CCSER1: variants seen among roughly 807,000 people sequenced by gnomAD.
CCSER1 encodes the protein coiled-coil serine rich protein 1, also known as serine-rich coiled-coil domain-containing protein 1.
In CCSER1, 41 loss-of-function variants were observed where a neutral mutation model predicts 82.0. That is an observed-to-expected ratio of 0.50 (90% CI 0.39 to 0.65). The LOEUF (loss-of-function observed/expected upper bound fraction) is 0.65. Ranked by LOEUF, CCSER1 falls within the 30% of genes least tolerant of loss-of-function variation. The pLI is 0.00. For synonymous variants in CCSER1, 414 were observed against 383.9 expected, an observed-to-expected ratio of 1.08 and a Z score of -0.92; for missense variants, 1,119 against 1,064.2, an observed-to-expected ratio of 1.05 and a Z score of -0.72.
chr4:91,454,188 C>A (rs1446707123), intron 10 of CCSER1, among the ~76,000 whole-genome samples: 3 of 152,046 alleles, frequency 2.0e-5, no homozygotes, highest in Non-Finnish European at 4.4e-5. Flanking sequence ...CGTTTATTCT[C>A]TTACAGTTCT....
At chr4:91,155,071 A>G (rs1730675148) in intron 10 of CCSER1, among the ~76,000 whole-genome samples, 1 of 151,884 alleles carries the variant, frequency 6.6e-6, no homozygotes, top group South Asian at 2.1e-4. Context: ...GCTTAAAAGA[A>G]TATCCCATAA....
chr4:91,043,087 A>T (rs2150581538), intron 9 of CCSER1, among the ~76,000 whole-genome samples: 1 of 152,300 alleles, frequency 6.6e-6, no homozygotes, highest in African/African-American at 2.4e-5. Flanking sequence ...ACATGAAAAC[A>T]AAAGCCCAAA....
intron 7 of CCSER1, among the ~76,000 whole-genome samples, chr4:90,754,961 G>C (rs1384236934): frequency 6.6e-6 from 1 of 152,066 alleles, no homozygotes; most frequent in Non-Finnish European, 1.5e-5. Context: ...CTGAATTAAA[G>C]ACCCCATTAT....
chr4:90,221,502 A>G (rs945675649), intron 1 of CCSER1, among the ~76,000 whole-genome samples: 2 of 152,146 alleles, frequency 1.3e-5, no homozygotes, highest in African/African-American at 4.8e-5. Flanking sequence ...GTATTATAAC[A>G]CACAAGCAGG....
chr4:90,783,083 G>A (rs940261795), intron 7 of CCSER1, among the ~76,000 whole-genome samples: 9 of 151,546 alleles, frequency 5.9e-5, no homozygotes, highest in African/African-American at 1.7e-4. Context: ...CTAGGATTAC[G>A]GGCATAGGCC....
At chr4:90,946,916 G>A (rs1196530747) in intron 9 of CCSER1, among the ~76,000 whole-genome samples, 1 of 152,116 alleles carries the variant, frequency 6.6e-6, no homozygotes, top group African/African-American at 2.4e-5. Context: ...TTTCTTGCTT[G>A]TGCTATGTAT....
intron 8 of CCSER1, among the ~76,000 whole-genome samples, chr4:90,918,642 T>G (rs13107047): frequency 6.7e-6 from 1 of 150,292 alleles, no homozygotes; most frequent in Non-Finnish European, 1.5e-5. Context: ...AAGAGAGATA[T>G]ATATATATAT....
intron 9 of CCSER1, among the ~76,000 whole-genome samples, chr4:91,071,223 C>T (rs1429309361): frequency 6.6e-6 from 1 of 152,010 alleles, no homozygotes; most frequent in Non-Finnish European, 1.5e-5. Context: ...AACAAAGATC[C>T]CTGTCTTTGA....
chr4:90,287,044 C>A (rs183840210), intron 1 of CCSER1, among the ~76,000 whole-genome samples: 29 of 151,878 alleles, frequency 1.9e-4, no homozygotes, highest in African/African-American at 7.0e-4. Context: ...CTAAATGGTA[C>A]CCTGGTGGTA....
intron 1 of CCSER1, among the ~76,000 whole-genome samples, chr4:90,157,725 C>T (rs1282230933): frequency 1.3e-5 from 2 of 148,910 alleles, no homozygotes; most frequent in Non-Finnish European, 3.0e-5. Context: ...TCAGCTCCAT[C>T]AGCTCCTTTA....
chr4:91,072,198 A>G (rs1721509915), intron 9 of CCSER1, among the ~76,000 whole-genome samples: 1 of 152,192 alleles, frequency 6.6e-6, no homozygotes, highest in Non-Finnish European at 1.5e-5. Context: ...TGGAAGTGCT[A>G]ATCTAGTTTA....
At chr4:91,321,250 T>G (rs1367347521) in intron 10 of CCSER1, among the ~76,000 whole-genome samples, 1 of 152,126 alleles carries the variant, frequency 6.6e-6, no homozygotes, top group East Asian at 1.9e-4. Context: ...CTTAGTAATT[T>G]TATTCTGATA....
At chr4:90,697,800 C>T (rs1179996609) in intron 6 of CCSER1, among the ~76,000 whole-genome samples, 1 of 152,102 alleles carries the variant, frequency 6.6e-6, no homozygotes, top group African/African-American at 2.4e-5. Context: ...TCTTTTCACC[C>T]TATACTCTCA....
intron 10 of CCSER1, among the ~76,000 whole-genome samples, chr4:91,273,386 T>G (rs965316857): frequency 1.3e-5 from 2 of 152,130 alleles, no homozygotes; most frequent in African/African-American, 4.8e-5. Flanking sequence ...GGGGTTGAGT[T>G]CTTGATTTGA....
chr4:90,611,054 C>CTTTTTTTTT (rs1785410828), intron 5 of CCSER1, among the ~76,000 whole-genome samples: 3 of 75,058 alleles, frequency 4.0e-5, no homozygotes, highest in African/African-American at 1.8e-4. Flanking sequence ...ATTTTCTTTT[C>CTTTTTTTTT]TTTTCTTTTT....
intron 10 of CCSER1, among the ~76,000 whole-genome samples, chr4:91,395,542 G>A (rs1751924820): frequency 6.6e-6 from 1 of 152,058 alleles, no homozygotes; most frequent in South Asian, 2.1e-4. Context: ...GGTGTCAACT[G>A]AAGGATGTGG....
intron 7 of CCSER1, among the ~76,000 whole-genome samples, chr4:90,749,380 C>G (rs1326772020): frequency 2.0e-5 from 3 of 151,754 alleles, no homozygotes; most frequent in African/African-American, 7.2e-5. Context: ...GGGCTCTGTT[C>G]TGTTCCATTG....
intron 10 of CCSER1, among the ~76,000 whole-genome samples, chr4:91,236,535 C>T (rs1015038709): frequency 2.4e-4 from 36 of 151,790 alleles, no homozygotes; most frequent in African/African-American, 8.2e-4. Context: ...TAAATGTTAG[C>T]CTATGCAGTG....
chr4:90,983,634 GA>G (rs1736321986), intron 9 of CCSER1, among the ~76,000 whole-genome samples: 1 of 151,444 alleles, frequency 6.6e-6, no homozygotes, highest in Non-Finnish European at 1.5e-5. Context: ...CCAAATTAAG[GA>G]AAAAAATAAC....
Sources: gnomAD v4.1 joint callset for allele counts (sites outside exome capture counted in the v4.1 genomes callset) on GRCh38, gnomAD v4.1.1 for gene constraint, MANE v1.5 for transcripts, NCBI Gene and HGNC (gene_info 2026-07-23, HGNC 2026-07-21) for gene names.